XYLT1: variants seen among roughly 807,000 people sequenced by gnomAD.
XYLT1 encodes the protein beta-D-xylosyltransferase 1.
A neutral mutation model predicts 91.3 loss-of-function variants in XYLT1; 36 were observed. The ratio of observed to expected loss-of-function variants is 0.39; its 90% CI spans 0.30 to 0.52. XYLT1 has a LOEUF of 0.52. Among genes scored for constraint, XYLT1 ranks in the 20% least tolerant of loss-of-function variants. The probability of loss-of-function intolerance (pLI) is 0.68; values close to 1 mark genes in which losing one functional copy is unlikely to be tolerated. For synonymous variants in XYLT1, 588 were observed against 532.0 expected, an observed-to-expected ratio of 1.11 and a Z score of -1.45; for missense variants, 1,242 against 1,284.5, an observed-to-expected ratio of 0.97 and a Z score of 0.51.
chr16:17,353,260 G>T (rs1305292241), intron 2 of XYLT1, among the ~76,000 whole-genome samples: 1 of 152,128 alleles, frequency 6.6e-6, no homozygotes, highest in East Asian at 1.9e-4. Flanking sequence ...TCTTGACTCG[G>T]CAAAAGAGCT....
intron 2 of XYLT1, among the ~76,000 whole-genome samples, chr16:17,314,034 G>T (rs2034589539): frequency 6.6e-6 from 1 of 152,210 alleles, no homozygotes. Flanking sequence ...GAGAGGGTCT[G>T]TCCAGCCAAA....
At chr16:17,360,790 C>A (rs12373093) in intron 1 of XYLT1, among the ~76,000 whole-genome samples, 41,984 of 152,152 alleles carry the variant, frequency 0.28, 6,095 homozygotes, top group Middle Eastern at 0.33. Context: ...TAAATTGGGA[C>A]TCTTTGGTTT....
intron 2 of XYLT1, among the ~76,000 whole-genome samples, chr16:17,326,869 C>T (rs1252416615): frequency 1.3e-5 from 2 of 151,252 alleles, no homozygotes; most frequent in South Asian, 2.1e-4. Flanking sequence ...ACAAAAAAAA[C>T]ACACAGGACC....
chr16:17,148,248 C>T (rs2031190099), intron 6 of XYLT1, among the ~76,000 whole-genome samples: 1 of 152,220 alleles, frequency 6.6e-6, no homozygotes, highest in South Asian at 2.1e-4. Flanking sequence ...AATGAACCGA[C>T]TCAACCATCA....
intron 2 of XYLT1, among the ~76,000 whole-genome samples, chr16:17,345,895 C>T (rs2035137864): frequency 6.6e-6 from 1 of 152,182 alleles, no homozygotes; most frequent in South Asian, 2.1e-4. Flanking sequence ...ACTGCAACCT[C>T]CATTTCCTGG....
intron 5 of XYLT1, among the ~76,000 whole-genome samples, chr16:17,164,698 G>C (rs2031637806): frequency 6.6e-6 from 1 of 152,012 alleles, no homozygotes; most frequent in Admixed American, 6.6e-5. Context: ...TCATACCTTA[G>C]AATTTCTTTC....
chr16:17,368,806 A>G (rs2035488618), intron 1 of XYLT1, among the ~76,000 whole-genome samples: 1 of 151,794 alleles, frequency 6.6e-6, no homozygotes, highest in Non-Finnish European at 1.5e-5. Context: ...CTGGTCTTGA[A>G]CTCCTGGTCT....
chr16:17,137,607 G>T (rs1489039387), intron 8 of XYLT1: 1 of 151,062 alleles, frequency 6.6e-6, no homozygotes, highest in Non-Finnish European at 1.5e-5. Context: ...GCACTCTCAG[G>T]GCTCATGGTA....
chr16:17,415,030 C>T lies in XYLT1; in HGVS notation c.363+55404G>A, dbSNP rs534821949. Among the ~76,000 whole-genome samples, 3 of 152,256 alleles carry T rather than the reference C, an allele frequency of 2.0e-5. No individual in the cohort carries two copies. In the East Asian group the frequency reaches 5.8e-4, roughly 29 times the overall value. ...CTTCCCGCGTGTCTGACACACAGCA[C>T]CCACAGCCTGGGGTATAAACACCAA... On this transcript the variant is annotated intron_variant, in intron 1 of 11. Transcript: ENST00000261381.
chr16:17,446,992 C>CCA, intron 1 of XYLT1, among the ~76,000 whole-genome samples: 1 of 150,820 alleles, frequency 6.6e-6, no homozygotes, highest in South Asian at 2.1e-4. Context: ...CCCACCCACC[C>CCA]CCTCCTCCCC....
At chr16:17,334,874 C>G (rs2034955303) in intron 2 of XYLT1, among the ~76,000 whole-genome samples, 1 of 151,438 alleles carries the variant, frequency 6.6e-6, no homozygotes, top group South Asian at 2.1e-4. Flanking sequence ...CAGAGCGAGA[C>G]TCCATCTCAA....
At chr16:17,366,779 T>C (rs1485243774) in intron 1 of XYLT1, among the ~76,000 whole-genome samples, 1 of 152,130 alleles carries the variant, frequency 6.6e-6, no homozygotes, top group Non-Finnish European at 1.5e-5. Context: ...GATGGTGTAA[T>C]TGAGGCTCAA....
intron 7 of XYLT1, among the ~76,000 whole-genome samples, chr16:17,140,298 T>A (rs1030139773): frequency 6.6e-6 from 1 of 152,160 alleles, no homozygotes; most frequent in Non-Finnish European, 1.5e-5. Flanking sequence ...ATGTTCAACA[T>A]GAGAAAAGGC....
chr16:17,280,077 G>A lies in XYLT1; in HGVS notation c.403-20579C>T, dbSNP rs528051034. 1.1e-4 allele frequency among the ~76,000 whole-genome samples: 17 copies of A among 152,304 alleles called. No individual in the cohort carries two copies. The East Asian group carries it at 2.1e-3, about 19-fold the overall frequency. On this transcript the variant is annotated intron_variant, in intron 2 of 11. Transcript: ENST00000261381. ...ATCTAAAAAGCTATCCAGGCTGGGC[G>A]TGGTGGCTCATGCCTATAATCCCAG...
chr16:17,212,629 G>A (rs533013832), intron 3 of XYLT1, among the ~76,000 whole-genome samples: 1 of 151,780 alleles, frequency 6.6e-6, no homozygotes, highest in East Asian at 1.9e-4. Context: ...CTCCACCCCC[G>A]ACCAAGCACT....
intron 1 of XYLT1, among the ~76,000 whole-genome samples, chr16:17,422,516 TA>T (rs1354341858): frequency 6.6e-6 from 1 of 151,346 alleles, no homozygotes; most frequent in African/African-American, 2.4e-5. Context: ...TTTACTTTAT[TA>T]TTTTTTTTTG....
intron 1 of XYLT1, among the ~76,000 whole-genome samples, chr16:17,375,824 C>T (rs1041318117): frequency 6.6e-6 from 1 of 152,232 alleles, no homozygotes; most frequent in Admixed American, 6.5e-5. Flanking sequence ...GGAGCCCGGC[C>T]TTTCACTACC....
chr16:17,291,177 C>T (rs892286371), intron 2 of XYLT1, among the ~76,000 whole-genome samples: 2 of 152,112 alleles, frequency 1.3e-5, no homozygotes, highest in African/African-American at 4.8e-5. Flanking sequence ...CTATTTATGA[C>T]TTTTTTGTAG....
intron 2 of XYLT1, among the ~76,000 whole-genome samples, chr16:17,330,406 T>C (rs932459716): frequency 2.6e-5 from 4 of 151,966 alleles, no homozygotes; most frequent in African/African-American, 9.7e-5. Flanking sequence ...CCACCACCCA[T>C]ACATATCAAA....
Sources: allele counts gnomAD v4.1 joint callset (sites outside exome capture counted in the v4.1 genomes callset), GRCh38; gene constraint gnomAD v4.1.1; transcripts MANE v1.5; gene names NCBI Gene and HGNC (gene_info 2026-07-23, HGNC 2026-07-21).